The following IL1RAPL2 variants were observed in gnomAD, a reference collection of about 807,000 sequenced individuals.
The protein encoded by IL1RAPL2 is X-linked interleukin-1 receptor accessory protein-like 2.
A neutral mutation model predicts 44.1 loss-of-function variants in IL1RAPL2; 3 were observed. The ratio of observed to expected loss-of-function variants is 0.07; its 90% CI spans 0.03 to 0.18. The LOEUF (loss-of-function observed/expected upper bound fraction) is 0.18. Ranked by LOEUF, IL1RAPL2 falls within the 10% of genes least tolerant of loss-of-function variation. The pLI is 1.00. For missense variants in IL1RAPL2, 391 were observed against 496.4 expected (o/e 0.79, Z 2.02); for synonymous variants, 181 against 178.8 (o/e 1.01, Z -0.10).
At chrX:104,670,635 G>A (rs1468035522) in intron 2 of IL1RAPL2, among the ~76,000 whole-genome samples, 2 of 110,309 alleles carry the variant, frequency 1.8e-5, no homozygotes, top group African/African-American at 3.3e-5. Context: ...GGGTATACAC[G>A]TGCAGGTTTG....
intron 2 of IL1RAPL2, among the ~76,000 whole-genome samples, chrX:104,715,417 CA>C (rs57271887): frequency 0.091 from 6,612 of 72,325 alleles, 479 homozygotes; most frequent in African/African-American, 0.25. Context: ...TCTATTTTTT[CA>C]AAAAAAAAAA....
chrX:105,499,640 AGAT>A (rs779587539), intron 6 of IL1RAPL2, among the ~76,000 whole-genome samples: 16 of 112,165 alleles, frequency 1.4e-4, no homozygotes, highest in African/African-American at 5.2e-4. Context: ...GTATGTGAGA[AGAT>A]GATCAATATC....
intron 2 of IL1RAPL2, among the ~76,000 whole-genome samples, chrX:104,946,395 A>AAAAAAAAAC (rs1925358489): frequency 1.1e-5 from 1 of 93,854 alleles, no homozygotes; most frequent in Non-Finnish European, 2.1e-5. Flanking sequence ...AAAAAAAAAA[A>AAAAAAAAAC]AAAAAAAAAA....
intron 1 of IL1RAPL2, among the ~76,000 whole-genome samples, chrX:104,610,825 A>G (rs1044542911): frequency 8.9e-5 from 10 of 111,930 alleles, no homozygotes; most frequent in Non-Finnish European, 1.7e-4. Flanking sequence ...CGCCAAGTCA[A>G]TCCTAAGCCA....
chrX:105,166,702 C>T (rs1020903270), intron 2 of IL1RAPL2, among the ~76,000 whole-genome samples: 2 of 112,381 alleles, frequency 1.8e-5, no homozygotes, highest in East Asian at 5.6e-4. Flanking sequence ...CCTGCTCATT[C>T]TGGACACTTG....
intron 3 of IL1RAPL2, among the ~76,000 whole-genome samples, chrX:105,223,949 T>G (rs2147629522): frequency 9.0e-6 from 1 of 111,293 alleles, no homozygotes; most frequent in East Asian, 2.8e-4. Context: ...GATAGTTATA[T>G]TGAATTATAG....
intron 1 of IL1RAPL2, among the ~76,000 whole-genome samples, chrX:104,583,539 T>C (rs1474726603): frequency 1.8e-5 from 2 of 112,352 alleles, no homozygotes; most frequent in Admixed American, 1.9e-4. Context: ...TCTGGCATGA[T>C]GTTTTCAAAG....
At position 104,590,194 on chromosome X, in the gene IL1RAPL2, G is replaced by A. The variant is rs542875775; in HGVS notation, c.-20+23143G>A. Among the ~76,000 whole-genome samples, 77 of 110,893 alleles carry A rather than the reference G, an allele frequency of 6.9e-4. 2 individuals are homozygous for A. The South Asian group carries it at 0.027, about 39-fold the overall frequency. On this transcript the variant is annotated intron_variant, in intron 1 of 10. Coordinates refer to ENST00000372582, the MANE Select transcript of IL1RAPL2 (RefSeq NM_017416.2). ...CGAGTAGTTGGGATTACAGGCGTGC[G>A]CCACCATGCCCAGCTAATTTTTGTA...
At chrX:104,567,968 C>T (rs1025664162) in intron 1 of IL1RAPL2, among the ~76,000 whole-genome samples, 1 of 112,507 alleles carries the variant, frequency 8.9e-6, no homozygotes, top group African/African-American at 3.2e-5. Flanking sequence ...CGCCCAAGGA[C>T]TTAGAGACAT....
intron 6 of IL1RAPL2, among the ~76,000 whole-genome samples, chrX:105,518,739 T>A (rs929899564): frequency 8.9e-6 from 1 of 112,000 alleles, no homozygotes; most frequent in Non-Finnish European, 1.9e-5. Context: ...GCTTCCAGGT[T>A]ACCATATACT....
Position 104,811,186 on chromosome X carries a change from G to GA in IL1RAPL2, c.82+152199dup, listed in dbSNP as rs1307180078. Among the ~76,000 whole-genome samples, 15 of 109,658 alleles carry GA rather than the reference G, an allele frequency of 1.4e-4. No homozygotes were observed. In the South Asian group the frequency reaches 4.9e-3, roughly 36 times the overall value. On this transcript the variant is annotated intron_variant, in intron 2 of 10. Coordinates refer to ENST00000372582, the MANE Select transcript of IL1RAPL2 (RefSeq NM_017416.2). ...ATAATAACTGCCTAGAAAAGTAACA[G>GA]AAAAAAAACCCTGAATTGCATAGTG...
chrX:104,760,995 A>G (rs1170377734), intron 2 of IL1RAPL2, among the ~76,000 whole-genome samples: 1 of 111,174 alleles, frequency 9.0e-6, no homozygotes, highest in East Asian at 2.8e-4. Context: ...TCTTCTCCAT[A>G]TGGATATCCA....
At position 104,699,404 on chromosome X, in the gene IL1RAPL2, C is replaced by A. The variant is rs1017000459; in HGVS notation, c.82+40409C>A. ...CTCCTAAGGAGCCCACAACCTAGAT[C>A]CCTCACATGCATGCACAGTTCACAA... On this transcript the variant is annotated intron_variant, in intron 2 of 10. Coordinates refer to ENST00000372582, the MANE Select transcript of IL1RAPL2 (RefSeq NM_017416.2). Among the ~76,000 whole-genome samples the A allele has an allele frequency of 1.1e-3, 122 of 111,476 alleles. 1 individual carries two copies. The highest frequency in any genetic ancestry group is 5.5e-3 in the Admixed American group (58 of 10,477).
chrX:104,942,976 G>C (rs1229266256), intron 2 of IL1RAPL2, among the ~76,000 whole-genome samples: 2 of 111,648 alleles, frequency 1.8e-5, no homozygotes, highest in Non-Finnish European at 3.8e-5. Flanking sequence ...CTTTGGTTCT[G>C]TTTATATGGT....
chrX:104,580,727 A>G (rs1334280690), intron 1 of IL1RAPL2, among the ~76,000 whole-genome samples: 1 of 112,299 alleles, frequency 8.9e-6, no homozygotes, highest in Non-Finnish European at 1.9e-5. Context: ...CAAGGCAGAA[A>G]CTTCCAGGTT....
chrX:105,316,448 AG>A (rs2034842439), intron 5 of IL1RAPL2, among the ~76,000 whole-genome samples: 1 of 111,471 alleles, frequency 9.0e-6, no homozygotes, highest in Non-Finnish European at 1.9e-5. Flanking sequence ...TGAACAATTT[AG>A]TTAAAATAAA....
At chrX:105,221,212 T>G (rs955036307) in intron 3 of IL1RAPL2, among the ~76,000 whole-genome samples, 1 of 111,437 alleles carries the variant, frequency 9.0e-6, no homozygotes, top group Non-Finnish European at 1.9e-5. Flanking sequence ...ATGGCCATGT[T>G]CTAATAAAAG....
chrX:105,680,281 G>A (rs1055234781), intron 6 of IL1RAPL2, among the ~76,000 whole-genome samples: 9 of 112,150 alleles, frequency 8.0e-5, no homozygotes, highest in African/African-American at 2.9e-4. Flanking sequence ...TTACAGGCAT[G>A]AGCCACCGCA....
At chrX:105,620,583 G>C (rs1409894359) in intron 6 of IL1RAPL2, among the ~76,000 whole-genome samples, 5 of 110,258 alleles carry the variant, frequency 4.5e-5, no homozygotes, top group Admixed American at 2.0e-4. Flanking sequence ...TAGCTCGTGA[G>C]TGACAGAGTG....
Sources: gnomAD v4.1 joint callset for allele counts (sites outside exome capture counted in the v4.1 genomes callset) on GRCh38, gnomAD v4.1.1 for gene constraint, MANE v1.5 for transcripts, NCBI Gene and HGNC (gene_info 2026-07-23, HGNC 2026-07-21) for gene names.